Variants in TTN observed in about 807,000 individuals in gnomAD.
The protein encoded by TTN is titin.
TTN carries 1,525 observed loss-of-function variants against 3,223.0 expected under a neutral mutation model. The ratio of observed to expected loss-of-function variants is 0.47; its 90% CI spans 0.45 to 0.49. TTN has a LOEUF of 0.49. Among genes scored for constraint, TTN ranks in the 20% least tolerant of loss-of-function variants. The pLI is 0.00. For synonymous variants in TTN, 14,094 were observed against 15,161.0 expected (o/e 0.93, Z 5.17); for missense variants, 40,786 against 43,424.0 (o/e 0.94, Z 5.40).
At chr2:178,598,245 T>C (rs1447925440) in intron 292 of TTN, among the ~76,000 whole-genome samples, 187 bp from the exon 293 acceptor site, 1 of 152,100 alleles carries the variant, frequency 6.6e-6, no homozygotes, top group Non-Finnish European at 1.5e-5. Context: ...GGAGTTATGC[T>C]TTAAAATTAT....
chr2:178,612,403 T>G lies in TTN; in HGVS notation c.50122A>C (p.Thr16708Pro). The change falls in exon 266 of 363, where the codon ACC becomes CCC. Residue 16708 changes from threonine to proline, a missense_variant. Thr to Pro is a conservative substitution (Grantham distance 38). Transcript: ENST00000589042. ...WQTVDTTVKD[T>P]KCTVTPLTEG... The stretch of plus-strand genomic sequence containing the variant: ...GTCAGTGGGGTGACTGTGCACTTGG[T>G]GTCCTTGACAGTGGTATCCACTGTT... The G allele has an allele frequency of 6.2e-7, 1 of 1,612,544 alleles. No individual in the cohort carries two copies.
At position 178,723,589 on chromosome 2, in the gene TTN, A is replaced by C. The variant is rs750008949; in HGVS notation, c.21511T>G (p.Phe7171Val). ...RGTPPFKVNW[F>V]RGARELVKGD... Reference sequence around the variant, plus strand: ...TTCACTAGTTCTCTGGCACCTCTGAACCAGTTGACTTTGAATGGAGGGGTT... The same window carrying C: ...TTCACTAGTTCTCTGGCACCTCTGACCCAGTTGACTTTGAATGGAGGGGTT... The change falls in exon 74 of 363, where the codon TTC becomes GTC. Residue 7171 changes from phenylalanine (F) to valine (V), a missense_variant. Physicochemically the swap from Phe to Val is conservative, Grantham distance 50 (BLOSUM62 -1). Coordinates refer to ENST00000589042, the MANE Select transcript of TTN (RefSeq NM_001267550.2). 2.0e-5 allele frequency: 33 copies of C among 1,613,190 alleles called. No homozygotes were observed. Among genetic ancestry groups the C allele is most frequent in the Non-Finnish European group, 2.8e-5 (33 of 1,179,586 alleles).
rs757831376 is a variant in TTN, at chr2:178,575,845, G to A, written c.70287C>T (p.Asn23429=). ...GGCCTGGCGTGTCCAAGACTCTGACGTTCACAAAGCCACTTTTCTTCCCAG... is the reference window on the plus strand; with the variant it reads ...GGCCTGGCGTGTCCAAGACTCTGACATTCACAAAGCCACTTTTCTTCCCAG... The part of the protein sequence containing the change: ...NPAGKKSGFV[N]VRVLDTPGPV... Residue 23429 remains asparagine (N), a synonymous_variant, in exon 326 of 363, where the codon AAC becomes AAT. Coordinates refer to ENST00000589042, the MANE Select transcript of TTN (RefSeq NM_001267550.2). This position sits in a 1 kb window ranked among gnomAD's most constrained non-coding sequence, Gnocchi z 4.0. 20 of 1,613,400 alleles carry A rather than the reference G, an allele frequency of 1.2e-5. No individual in the cohort carries two copies. Among genetic ancestry groups the A allele is most frequent in the Admixed American group, 8.3e-5 (5 of 59,976 alleles).
In TTN at chr2:178,696,246, AG is replaced by A; in HGVS notation, c.30825del (p.Ser10276LeufsTer6). ...ATTATTTTTACTTCTTCAGCTTTAG[AG>A]GATACATCAATGATTTCAGGAGCTA... ...PAKAPEIIDV[S>X]SKAEEVKIMT... On this transcript the variant is annotated frameshift_variant, in exon 114 of 363. Coordinates refer to ENST00000589042, the MANE Select transcript of TTN (RefSeq NM_001267550.2). LOFTEE classifies it high-confidence loss of function. 6.4e-7 allele frequency: 1 copy of A among 1,550,608 alleles called. No individual in the cohort carries two copies. Among genetic ancestry groups the A allele is most frequent in the Non-Finnish European group, 8.7e-7 (1 of 1,150,540 alleles).
At chr2:178,761,735 C>A (rs2089258276) in intron 43 of TTN, among the ~76,000 whole-genome samples, 1 of 152,098 alleles carries the variant, frequency 6.6e-6, no homozygotes, top group Non-Finnish European at 1.5e-5. Flanking sequence ...AAGATCTGCA[C>A]CCCAGCACCT....
In TTN at chr2:178,729,849, A is replaced by AT. The variant is rs1427521727; in HGVS notation, c.18403dup (p.Ile6135AsnfsTer11). The AT allele has an allele frequency of 6.2e-7, 1 of 1,613,672 alleles. No individual in the cohort carries two copies. Among genetic ancestry groups the AT allele is most frequent in the South Asian group, 1.1e-5 (1 of 91,088 alleles). ...CCCGTCTAGATACCAAGACACTCGG[A>AT]TTTTAGGAGTGCCTGTTATTTGGCA... On this transcript the variant is annotated frameshift_variant, in exon 63 of 363. Coordinates refer to ENST00000589042, the MANE Select transcript of TTN (RefSeq NM_001267550.2). LOFTEE classifies it high-confidence loss of function.
chr2:178,538,970 G>A lies in TTN; in HGVS notation c.98965C>T (p.Pro32989Ser), dbSNP rs779521662. Residue 32989 changes from proline to serine, a missense_variant, in exon 353 of 363, where the codon CCA (proline) becomes TCA (serine). Transcript: ENST00000589042. ...GLSETSPASE[P>S]VVCKDPFDKP... The stretch of plus-strand genomic sequence containing the variant: ...CCAAATGGATCTTTGCAAACAACTG[G>A]TTCAGAAGCAGGGCTGGTCTCACTC... 3 of 1,609,686 alleles carry A rather than the reference G, an allele frequency of 1.9e-6. No homozygotes were observed.
rs1688603268 is a variant in TTN, at chr2:178,530,456, A to G, written c.106159T>C (p.Ser35387Pro). The G allele has an allele frequency of 6.2e-7, 1 of 1,613,798 alleles. No individual in the cohort carries two copies. The highest frequency in any genetic ancestry group is 1.1e-5 in the South Asian group (1 of 91,086). The change falls in exon 358 of 363, where the codon TCA becomes CCA. Residue 35387 changes from serine to proline, a missense_variant. Transcript: ENST00000589042. ...GATTTCTTAGTTTCTGATATTTTTGATACCTTCTCATGGATACTCTTAAAG... is the reference window on the plus strand; with the variant it reads ...GATTTCTTAGTTTCTGATATTTTTGGTACCTTCTCATGGATACTCTTAAAG... ...QAFKSIHEKVSKISETKKSDQ... is the reference protein window; with the variant it reads ...QAFKSIHEKVPKISETKKSDQ...
intron 354 of TTN, 43 bp downstream of exon 354, chr2:178,538,496 TG>T (rs1243503429): frequency 1.9e-6 from 3 of 1,551,598 alleles, no homozygotes; most frequent in Non-Finnish European, 2.6e-6. Flanking sequence ...AGCCTTAACT[TG>T]TTTAGTTTGT....
At position 178,731,435 on chromosome 2, in the gene TTN, T is replaced by A. The variant is rs367942154; in HGVS notation, c.17331A>T (p.Arg5777Ser). The change falls in exon 59 of 363, where the codon AGA becomes AGT. Residue 5777 changes from arginine to serine, a missense_variant. Arg to Ser is a moderately radical substitution (Grantham distance 110, BLOSUM62 -1). Coordinates refer to ENST00000589042, the MANE Select transcript of TTN (RefSeq NM_001267550.2). The stretch of plus-strand genomic sequence containing the variant: ...TGGCCACATTGTTCTCAAAGGTCAT[T>A]CTTATATTATCGTCTTCAGTGATTT... ...SDEITEDDNI[R>S]MTFENNVASL... The A allele has an allele frequency of 8.1e-6, 13 of 1,613,646 alleles. No homozygotes were observed. The highest frequency in any genetic ancestry group is 1.0e-5 in the Non-Finnish European group (12 of 1,179,790).
In TTN at chr2:178,773,882, A is replaced by C; in HGVS notation, c.7286T>G (p.Ile2429Ser). The C allele has an allele frequency of 6.2e-7, 1 of 1,614,116 alleles. No individual in the cohort carries two copies. The highest frequency in any genetic ancestry group is 8.5e-7 in the Non-Finnish European group (1 of 1,179,980). ...KEDAGNYSFT[I>S]PALGLSTSGR... ...ACTGGTGGAGAGGCCAAGGGCTGGA[A>C]TGGTGAAAGAGTAATTTCCAGCATC... The change falls in exon 31 of 363, where the codon ATT (isoleucine) becomes AGT (serine). Residue 2429 changes from isoleucine (I) to serine (S), a missense_variant. Physicochemically the swap from Ile to Ser is moderately radical, Grantham distance 142 (BLOSUM62 -2). Transcript: ENST00000589042.
At position 178,560,614 on chromosome 2, in the gene TTN, C is replaced by A; in HGVS notation, c.85518G>T (p.Gln28506His). Reference sequence around the variant, plus strand: ...ACTTGGTTACTTTACAGGATGTCATCTGTAACTCTCCTTCACATATTGTCC... The same window carrying A: ...ACTTGGTTACTTTACAGGATGTCATATGTAACTCTCCTTCACATATTGTCC... ...LAWTICEGEL[Q>H]MTSCKVTKLL... Residue 28506 changes from glutamine (Q) to histidine (H), a missense_variant, in exon 326 of 363, where the codon CAG (glutamine) becomes CAT (histidine). Coordinates refer to ENST00000589042, the MANE Select transcript of TTN (RefSeq NM_001267550.2). 1 of 1,613,540 alleles carries A rather than the reference C, an allele frequency of 6.2e-7. No individual in the cohort carries two copies.
Position 178,706,644 on chromosome 2 carries a change from G to A in TTN, c.29230C>T (p.Arg9744Cys), listed in dbSNP as rs375266859. ...TCGCCTTTTTGGTGGATGAAAACACGACCTCCTTGGTTCAGCTGTCTCCAC... is the reference window on the plus strand; with the variant it reads ...TCGCCTTTTTGGTGGATGAAAACACAACCTCCTTGGTTCAGCTGTCTCCAC... ...GKWRQLNQGG[R>C]VFIHQKGDEA... The change falls in exon 102 of 363, where the codon CGT (arginine) becomes TGT (cysteine). Residue 9744 changes from arginine to cysteine, a missense_variant. Arg to Cys is a radical substitution (Grantham distance 180). Coordinates refer to ENST00000589042, the MANE Select transcript of TTN (RefSeq NM_001267550.2). 69 of 1,613,702 alleles carry A rather than the reference G, an allele frequency of 4.3e-5. No individual in the cohort carries two copies. Among genetic ancestry groups the A allele is most frequent in the Non-Finnish European group, 5.2e-5 (61 of 1,179,844 alleles).
intron 71 of TTN, chr2:178,725,055 T>G: frequency 3.5e-6 from 1 of 287,056 alleles, no homozygotes; most frequent in East Asian, 6.0e-5. Flanking sequence ...TCTTGTTAGT[T>G]TTAACAATTA....
chr2:178,564,472 G>A lies in TTN; in HGVS notation c.81660C>T (p.Ala27220=), dbSNP rs763448093. The A allele has an allele frequency of 6.2e-7, 1 of 1,612,080 alleles. No individual in the cohort carries two copies. Among genetic ancestry groups the A allele is most frequent in the Non-Finnish European group, 8.5e-7 (1 of 1,178,950 alleles). The change falls in exon 326 of 363, where the codon GCC becomes GCT. Residue 27220 remains alanine, a synonymous_variant. Transcript: ENST00000589042. ...CAGTTTCTAATACGTTGGTAAAGCT[G>A]GCTTTCATCCAGCGGCCATCAGGTA... The part of the protein sequence containing the change: ...KDLPDGRWMK[A]SFTNVLETEF...
chr2:178,670,342 T>C, intron 156 of TTN, 47 bp from the exon 157 acceptor site: 1 of 1,169,302 alleles, frequency 8.6e-7, no homozygotes. Flanking sequence ...AATATACAAT[T>C]TTTTAACAAG....
chr2:178,707,678 A>G lies in TTN; in HGVS notation c.28889T>C (p.Ile9630Thr). 1.2e-6 allele frequency: 2 copies of G among 1,613,900 alleles called. No homozygotes were observed. The highest frequency in any genetic ancestry group is 2.2e-5 in the South Asian group (2 of 91,078). ...RIQWLKAGRE[I>T]KPSDRCSFSF... ...GAAGCTGCATCTGTCTGAAGGCTTT[A>G]TTTCCCTGCCAGCCTTCAACCACTG... Residue 9630 changes from isoleucine to threonine, a missense_variant, in exon 100 of 363, where the codon ATA (isoleucine) becomes ACA (threonine). Coordinates refer to ENST00000589042, the MANE Select transcript of TTN (RefSeq NM_001267550.2).
intron 46 of TTN, among the ~76,000 whole-genome samples, chr2:178,754,364 CT>C (rs1321407161): frequency 2.0e-5 from 3 of 152,074 alleles, no homozygotes; most frequent in Non-Finnish European, 4.4e-5. Context: ...TATCTTTCAA[CT>C]TTCTTAGGTA....
intron 47 of TTN, chr2:178,745,287 G>C: frequency 2.5e-6 from 3 of 1,213,810 alleles, no homozygotes; most frequent in Non-Finnish European, 3.1e-6. Context: ...CTTTGTGGAG[G>C]AGGCATGAGG....
Sources: allele counts gnomAD v4.1 joint callset (sites outside exome capture counted in the v4.1 genomes callset), GRCh38; gene constraint gnomAD v4.1.1; non-coding constraint Gnocchi (gnomAD v3.1); transcripts MANE v1.5; gene names NCBI Gene and HGNC (gene_info 2026-07-23, HGNC 2026-07-21).